CEP126: variants seen among roughly 807,000 people sequenced by gnomAD.
The protein encoded by CEP126 is centrosomal protein 126, also known as centrosomal protein of 126 kDa.
Under a neutral mutation model 107.8 loss-of-function variants are expected in CEP126, and 74 were observed. The ratio of observed to expected loss-of-function variants is 0.69; its 90% confidence interval spans 0.57 to 0.83. The LOEUF is 0.83. CEP126 is among the 40% of genes least tolerant of loss of function. The pLI is 0.00. For synonymous variants in CEP126, 449 were observed against 446.0 expected, an observed-to-expected ratio of 1.01 and a Z score of -0.08; for missense variants, 1,237 against 1,281.9, an observed-to-expected ratio of 0.96 and a Z score of 0.53.
chr11:101,922,287 C>T (rs886608789), intron 1 of CEP126, among the ~76,000 whole-genome samples: 1 of 151,906 alleles, frequency 6.6e-6, no homozygotes, highest in African/African-American at 2.4e-5. Flanking sequence ...GCCTCAGCCT[C>T]CCAAGTAGCT....
intron 1 of CEP126, among the ~76,000 whole-genome samples, chr11:101,918,121 T>C (rs1362895674): frequency 6.6e-6 from 1 of 152,102 alleles, no homozygotes; most frequent in Non-Finnish European, 1.5e-5. Context: ...CCAGGCTCAC[T>C]GATGGGATCT....
At chr11:101,933,395 C>G (rs1278813706) in intron 2 of CEP126, among the ~76,000 whole-genome samples, 2 of 152,096 alleles carry the variant, frequency 1.3e-5, no homozygotes, top group Non-Finnish European at 2.9e-5. Context: ...AGTGTATACT[C>G]GTTTAAAACC....
At chr11:101,952,185 T>C (rs953640765) in intron 4 of CEP126, among the ~76,000 whole-genome samples, 1 of 152,086 alleles carries the variant, frequency 6.6e-6, no homozygotes, top group African/African-American at 2.4e-5. Flanking sequence ...AAAGGCATGT[T>C]GTGTTAAGGG....
chr11:101,989,382 A>G (rs1331552734), intron 9 of CEP126, among the ~76,000 whole-genome samples: 2 of 152,056 alleles, frequency 1.3e-5, no homozygotes, highest in Admixed American at 1.3e-4. Flanking sequence ...CCTGGCCTTT[A>G]CCCACTAGAT....
At chr11:101,946,216 A>G (rs1437048249) in intron 3 of CEP126, among the ~76,000 whole-genome samples, 1 of 152,112 alleles carries the variant, frequency 6.6e-6, no homozygotes, top group African/African-American at 2.4e-5. Flanking sequence ...TTCAAGAGAT[A>G]TAATCACGGC....
intron 4 of CEP126, chr11:101,955,836 T>G: frequency 2.2e-6 from 1 of 455,884 alleles, no homozygotes; most frequent in Non-Finnish European, 4.4e-6. Flanking sequence ...GACCCCTACT[T>G]ACCTGATCAA....
rs375780569 is a variant in CEP126, at chr11:101,947,659, GA to G, written c.395-369del. 5.1e-4 allele frequency among the ~76,000 whole-genome samples: 77 copies of G among 152,196 alleles called. No homozygotes were observed. The Middle Eastern group carries it at 0.024, about 47-fold the overall frequency. On this transcript the variant is annotated intron_variant, in intron 3 of 10. Transcript: ENST00000263468. ...ATAAGGTCTATAACTAAGTGCTCAG[GA>G]AATGTTAGTTGGTGTTTTTGTATGT...
At chr11:101,934,771 G>A (rs1393695198) in intron 2 of CEP126, among the ~76,000 whole-genome samples, 1 of 151,994 alleles carries the variant, frequency 6.6e-6, no homozygotes, top group African/African-American at 2.4e-5. Context: ...TTCTTATATT[G>A]ATAGGCATTG....
rs774997424 is a variant in CEP126 at position 101,963,592 on chromosome 11, T to C, written c.2557T>C (p.Trp853Arg). Residue 853 changes from tryptophan to arginine, a missense_variant, in exon 6 of 11, where the codon TGG becomes CGG. Coordinates refer to ENST00000263468, the MANE Select transcript of CEP126 (RefSeq NM_020802.4). ...VLPTEHSLNQ[W>R]NQESSSPLSN... ...TCCAACAGAACACAGTTTGAATCAG[T>C]GGAATCAGGAAAGTAGTTCTCCACT... is the stretch of plus-strand genomic sequence containing the variant. 1 of 1,614,150 alleles carries C rather than the reference T, an allele frequency of 6.2e-7. No homozygotes were observed. The highest frequency in any genetic ancestry group is 2.2e-5 in the East Asian group (1 of 44,882).
At chr11:101,939,149 AGTT>A (rs1438957095) in intron 2 of CEP126, among the ~76,000 whole-genome samples, 1 of 152,020 alleles carries the variant, frequency 6.6e-6, no homozygotes, top group African/African-American at 2.4e-5. Flanking sequence ...ACTTTTTTCC[AGTT>A]GTTCTGTTAC....
chr11:101,921,729 T>C (rs1940329518), intron 1 of CEP126, among the ~76,000 whole-genome samples: 1 of 142,802 alleles, frequency 7.0e-6, no homozygotes, highest in Non-Finnish European at 1.5e-5. Context: ...AAAAAAACTG[T>C]GTAATGAATG....
At chr11:101,975,797 C>T (rs539486346) in intron 6 of CEP126, among the ~76,000 whole-genome samples, 2 of 152,110 alleles carry the variant, frequency 1.3e-5, no homozygotes, top group African/African-American at 4.8e-5. Context: ...ACCATATGTA[C>T]TCAAAGTTTA....
At chr11:101,925,068 G>A (rs937091445) in intron 2 of CEP126, among the ~76,000 whole-genome samples, 5 of 151,814 alleles carry the variant, frequency 3.3e-5, no homozygotes, top group Non-Finnish European at 7.4e-5. Flanking sequence ...CTTTGTTTCC[G>A]GCTCCAGTAG....
At chr11:101,925,505 T>C (rs1266492987) in intron 2 of CEP126, among the ~76,000 whole-genome samples, 1 of 150,894 alleles carries the variant, frequency 6.6e-6, no homozygotes, top group Non-Finnish European at 1.5e-5. Flanking sequence ...GCGTGGTGAC[T>C]CACACCTGTA....
Position 101,991,361 on chromosome 11 carries a change from A to G in CEP126, c.3245-1417A>G, listed in dbSNP as rs977060465. Among the ~76,000 whole-genome samples the G allele has an allele frequency of 2.0e-5, 3 of 152,178 alleles. No homozygotes were observed. In the South Asian group the frequency reaches 6.2e-4, roughly 32 times the overall value. ...TAGTATTCCAAAAATCATATCCAGC[A>G]TTCGTCAAAAATTATGAGACATACA... is the stretch of plus-strand genomic sequence containing the variant. On this transcript the variant is annotated intron_variant, in intron 9 of 10. Coordinates refer to ENST00000263468, the MANE Select transcript of CEP126 (RefSeq NM_020802.4).
At chr11:101,990,817 G>A (rs901139697) in intron 9 of CEP126, among the ~76,000 whole-genome samples, 6 of 151,896 alleles carry the variant, frequency 4.0e-5, no homozygotes, top group Non-Finnish European at 2.9e-5. Context: ...AGGGGGTGGG[G>A]GGACTCTCCA....
chr11:101,992,988 A>G (rs1050729052), intron 10 of CEP126, 146 bp downstream of exon 10: 12 of 720,472 alleles, frequency 1.7e-5, no homozygotes, highest in Non-Finnish European at 2.0e-5. Flanking sequence ...GCTTTTTATT[A>G]TAAGACTGTT....
Position 101,962,535 on chromosome 11 carries a change from T to C in CEP126, c.1500T>C (p.Gly500=). 1.2e-6 allele frequency: 2 copies of C among 1,613,006 alleles called. No homozygotes were observed. Among genetic ancestry groups the C allele is most frequent in the Non-Finnish European group, 1.7e-6 (2 of 1,179,528 alleles). ...ATAAGTTAGATGAATTGAAAGATGGTAAAGAAGAAGAGATAAAATATTTTA... is the reference window on the plus strand; with the variant it reads ...ATAAGTTAGATGAATTGAAAGATGGCAAAGAAGAAGAGATAAAATATTTTA... ...CSDKLDELKD[G]KEEEIKYFNC... Residue 500 remains glycine (G), a synonymous_variant, in exon 6 of 11, where the codon GGT becomes GGC. Transcript: ENST00000263468.
intron 4 of CEP126, chr11:101,955,880 C>G (rs1346100702): frequency 2.2e-6 from 1 of 456,322 alleles, no homozygotes; most frequent in Non-Finnish European, 4.4e-6. Flanking sequence ...GCGGTCCCAC[C>G]ACTTCCAAAT....
Sources: gnomAD v4.1 joint callset for allele counts (sites outside exome capture counted in the v4.1 genomes callset) on GRCh38, gnomAD v4.1.1 for gene constraint, MANE v1.5 for transcripts, NCBI Gene and HGNC (gene_info 2026-07-23, HGNC 2026-07-21) for gene names.